Variants in CERCAM observed in about 807,000 individuals in gnomAD.
CERCAM encodes cerebral endothelial cell adhesion molecule, also known as inactive glycosyltransferase 25 family member 3.
In CERCAM, 59 loss-of-function variants were observed where a neutral mutation model predicts 66.0. The ratio of observed to expected loss-of-function variants is 0.89; its 90% CI spans 0.73 to 1.11. The LOEUF (loss-of-function observed/expected upper bound fraction) is 1.11, where lower values mean the gene tolerates loss of function less well. Ranked by LOEUF, CERCAM falls within the 50% of genes most tolerant of loss-of-function variation. The probability of loss-of-function intolerance (pLI) is 0.00; values close to 1 mark genes in which losing one functional copy is unlikely to be tolerated. For synonymous variants in CERCAM, 318 were observed against 343.6 expected, an observed-to-expected ratio of 0.93 and a Z score of 0.83; for missense variants, 840 against 828.3, an observed-to-expected ratio of 1.01 and a Z score of -0.17.
upstream of CERCAM, chr9:128,420,799 C>G: frequency 3.4e-6 from 2 of 585,834 alleles, no homozygotes; most frequent in Non-Finnish European, 4.7e-6. This position sits in a 1 kb window ranked among gnomAD's most constrained non-coding sequence, Gnocchi z 5.0. Context: ...CTCGGCCCCG[C>G]CCGGGCCCCA....
intron 5 of CERCAM, 74 bp from the exon 6 acceptor site, chr9:128,428,228 G>A: frequency 6.5e-7 from 1 of 1,542,398 alleles, no homozygotes; most frequent in Non-Finnish European, 8.8e-7. Flanking sequence ...TGGCAGTGCT[G>A]GGCCTAGGAC....
At chr9:128,423,314 C>T in intron 3 of CERCAM, 51 bp downstream of exon 3, 2 of 1,474,636 alleles carry the variant, frequency 1.4e-6, no homozygotes, top group Non-Finnish European at 1.9e-6. Context: ...AGTATCCGTC[C>T]CTGATAGAAA....
chr9:128,421,570 C>G (rs1385243062), intron 1 of CERCAM: 2 of 967,242 alleles, frequency 2.1e-6, no homozygotes, highest in Non-Finnish European at 1.2e-6. Context: ...ACCGGCCCCC[C>G]CACCGCCCCC....
chr9:128,431,496 T>G (rs1833976210), intron 9 of CERCAM, 193 bp downstream of exon 9: 2 of 639,906 alleles, frequency 3.1e-6, no homozygotes, highest in Non-Finnish European at 5.3e-6. Flanking sequence ...GCAGTCTCTC[T>G]TGAGCATCTA....
chr9:128,420,877 C>T lies in CERCAM; in HGVS notation c.-1C>T, dbSNP rs1018775136. The T allele has an allele frequency of 2.8e-5, 35 of 1,271,488 alleles. No individual in the cohort carries two copies. The highest frequency in any genetic ancestry group is 3.4e-5 in the Non-Finnish European group (34 of 1,008,950). 78.8% of individuals were successfully genotyped at this position (1,271,488 alleles called of 1,614,324 possible). A position where few individuals can be genotyped will look rare whatever the true frequency, so the allele number is the denominator to read the frequency against. On this transcript the variant is annotated 5_prime_UTR_variant, in exon 1 of 13. Transcript: ENST00000372838. The surrounding 1 kb of genome is among the most constrained non-coding windows in gnomAD (Gnocchi z 5.0). Reference sequence around the variant, plus strand: ...CCGCTGCAGCCGCCCAAGCGCCCGCCATGCGCGCTGCCCGCGCCGCGCCGC... The same window carrying T: ...CCGCTGCAGCCGCCCAAGCGCCCGCTATGCGCGCTGCCCGCGCCGCGCCGC...
intron 3 of CERCAM, 51 bp from the exon 4 acceptor site, chr9:128,424,087 G>A: frequency 6.3e-7 from 1 of 1,592,162 alleles, no homozygotes. Flanking sequence ...GAACTCCTTG[G>A]GGGGCTGCAG....
chr9:128,421,964 C>G (rs1833719866), intron 1 of CERCAM: 1 of 152,332 alleles, frequency 6.6e-6, no homozygotes, highest in Admixed American at 6.5e-5. Flanking sequence ...AACCTGGGCA[C>G]TTGGCTAAAC....
intron 5 of CERCAM, chr9:128,427,615 A>C (rs536165470): frequency 1.3e-5 from 2 of 152,246 alleles, no homozygotes; most frequent in Admixed American, 6.5e-5. Flanking sequence ...AAATACAAAA[A>C]TTAGCTGGAT....
chr9:128,421,478 A>G (rs1018274205), intron 1 of CERCAM: 3 of 996,134 alleles, frequency 3.0e-6, no homozygotes, highest in Admixed American at 6.1e-5. Flanking sequence ...CCAACGTGGC[A>G]GGGATCGACC....
At position 128,423,146 on chromosome 9, in the gene CERCAM, G is replaced by T; in HGVS notation, c.309G>T (p.Arg103Ser). The change falls in exon 3 of 13, where the codon AGG (arginine) becomes AGT (serine). Residue 103 changes from arginine to serine, a missense_variant and splice_region_variant. Physicochemically the swap from Arg to Ser is moderately radical, Grantham distance 110. Coordinates refer to ENST00000372838, the MANE Select transcript of CERCAM (RefSeq NM_016174.5). ...AVVWRPEGEP[R>S]FYPDEEGPKH... The stretch of plus-strand genomic sequence containing the variant: ...GAACATCTCACCTCTATCCCCTCAG[G>T]TTCTACCCAGATGAAGAGGGTCCCA... 1.9e-6 allele frequency: 3 copies of T among 1,613,984 alleles called. No individual in the cohort carries two copies. The highest frequency in any genetic ancestry group is 2.5e-6 in the Non-Finnish European group (3 of 1,179,942).
In CERCAM at chr9:128,424,095, C is replaced by T. The variant is rs139721525; in HGVS notation, c.427-43C>T. Reference sequence around the variant, plus strand: ...ACTCAGTGAACTCCTTGGGGGGCTGCAGCCCAGGCAGGGCTGGAGCCTGTG... The same window carrying T: ...ACTCAGTGAACTCCTTGGGGGGCTGTAGCCCAGGCAGGGCTGGAGCCTGTG... On this transcript the variant is annotated intron_variant, in intron 3 of 12. Coordinates refer to ENST00000372838, the MANE Select transcript of CERCAM (RefSeq NM_016174.5). 2.5e-6 allele frequency: 4 copies of T among 1,597,298 alleles called. No homozygotes were observed. The African/African-American group carries it at 4.0e-5, about 16-fold the overall frequency.
rs560713742 is a variant in CERCAM at position 128,429,111 on chromosome 9, G to A, written c.1070+75G>A. 10 of 1,074,496 alleles carry A rather than the reference G, an allele frequency of 9.3e-6. No individual in the cohort carries two copies. The East Asian group carries it at 2.3e-4, about 24-fold the overall frequency. The allele number at this position is 1,074,496 out of a possible 1,614,324, so 66.6% of individuals were successfully genotyped here. A position where few individuals can be genotyped will look rare whatever the true frequency, so the allele number is the denominator to read the frequency against. ...GTCCATCTCCTAGCCCGCTAGGACT[G>A]GGAAAAGCAGACAGGTTGAATGAGT... On this transcript the variant is annotated intron_variant, in intron 8 of 12. Coordinates refer to ENST00000372838, the MANE Select transcript of CERCAM (RefSeq NM_016174.5).
At chr9:128,432,263 T>G (rs999697294) in intron 9 of CERCAM, among the ~76,000 whole-genome samples, 1 of 152,016 alleles carries the variant, frequency 6.6e-6, no homozygotes, top group South Asian at 2.1e-4. Flanking sequence ...CAACCTCAGG[T>G]GATCTGCCCA....
chr9:128,430,902 G>C (rs1469627171), intron 8 of CERCAM: 2 of 317,754 alleles, frequency 6.3e-6, no homozygotes, highest in African/African-American at 4.4e-5. Context: ...TCAGCTACTT[G>C]TGAGGCTGAG....
chr9:128,423,371 C>A, intron 3 of CERCAM, 108 bp downstream of exon 3: 1 of 894,720 alleles, frequency 1.1e-6, no homozygotes, highest in Middle Eastern at 2.9e-4. Flanking sequence ...AATCCTAGCA[C>A]TTTGGGAGGC....
chr9:128,422,860 G>A lies in CERCAM; in HGVS notation c.198-8G>A, dbSNP rs375228024. 210 of 1,612,902 alleles carry A rather than the reference G, an allele frequency of 1.3e-4. No homozygotes were observed. Among genetic ancestry groups the A allele is most frequent in the Middle Eastern group, 1.6e-4 (1 of 6,078 alleles). On this transcript the variant is annotated splice_region_variant and splice_polypyrimidine_tract_variant and intron_variant, in intron 1 of 12. Coordinates refer to ENST00000372838, the MANE Select transcript of CERCAM (RefSeq NM_016174.5). ...TGCCCCCTCAGCCTTTTTTCTTCCC[G>A]TCCCCAGGTGTGCCACGGACCACAA...
rs771312469 is a variant in CERCAM, at chr9:128,431,337, C to T, written c.1203+34C>T. On this transcript the variant is annotated intron_variant, in intron 9 of 12. Coordinates refer to ENST00000372838, the MANE Select transcript of CERCAM (RefSeq NM_016174.5). ...GCCTGCTTCCTCCATCCACAGCCTT[C>T]GGGGAGAACGGGGCCAGTTTGTTCT... 8 of 1,611,816 alleles carry T rather than the reference C, an allele frequency of 5.0e-6. No individual in the cohort carries two copies. In the East Asian group the frequency reaches 6.7e-5, roughly 13 times the overall value.
At chr9:128,430,312 G>A (rs925949429) in intron 8 of CERCAM, among the ~76,000 whole-genome samples, 4 of 152,174 alleles carry the variant, frequency 2.6e-5, no homozygotes, top group Admixed American at 6.5e-5. Flanking sequence ...TGAGTCAGGA[G>A]AACTGCTGGA....
intron 5 of CERCAM, among the ~76,000 whole-genome samples, chr9:128,426,100 G>A (rs1208610356): frequency 7.9e-5 from 12 of 151,254 alleles, no homozygotes; most frequent in Admixed American, 1.3e-4. Flanking sequence ...CACCGCCCCC[G>A]GCTGCGAGAT....
Sources: gnomAD v4.1 joint callset for allele counts (sites outside exome capture counted in the v4.1 genomes callset) on GRCh38, gnomAD v4.1.1 for gene constraint, Gnocchi (gnomAD v3.1) non-coding constraint, MANE v1.5 for transcripts, NCBI Gene and HGNC (gene_info 2026-07-23, HGNC 2026-07-21) for gene names.